IL1RL1: variants seen among roughly 807,000 people sequenced by gnomAD.
IL1RL1 encodes the protein interleukin-1 receptor-like 1.
Under a neutral mutation model 50.9 loss-of-function variants are expected in IL1RL1, and 32 were observed. The ratio of observed to expected loss-of-function variants is 0.63; its 90% CI spans 0.47 to 0.84. IL1RL1 has a LOEUF of 0.84. Among genes scored for constraint, IL1RL1 ranks in the 40% least tolerant of loss-of-function variants. The pLI is 0.00. For missense variants in IL1RL1, 773 were observed against 662.9 expected (o/e 1.17, Z -1.82); for synonymous variants, 275 against 236.0 (o/e 1.17, Z -1.51).
At chr2:102,320,693 T>C (rs1298450366) in intron 1 of IL1RL1, among the ~76,000 whole-genome samples, 5 of 152,126 alleles carry the variant, frequency 3.3e-5, no homozygotes, top group Non-Finnish European at 7.4e-5. Context: ...CAAACCTCTC[T>C]TGACTGCTCT....
chr2:102,336,725 T>C (rs1677340188), intron 1 of IL1RL1, among the ~76,000 whole-genome samples: 1 of 152,092 alleles, frequency 6.6e-6, no homozygotes. Context: ...AGAGGCCTAC[T>C]GGGACTTAAA....
intron 1 of IL1RL1, among the ~76,000 whole-genome samples, chr2:102,323,491 G>T (rs1182333046): frequency 6.6e-6 from 1 of 150,998 alleles, no homozygotes; most frequent in Non-Finnish European, 1.5e-5. Context: ...TTCAAGACTG[G>T]GCAACTGCAT....
chr2:102,330,190 G>T (rs1677133333), intron 1 of IL1RL1, among the ~76,000 whole-genome samples: 1 of 152,166 alleles, frequency 6.6e-6, no homozygotes, highest in African/African-American at 2.4e-5. Context: ...GTCCTTTGTA[G>T]GGACATGGAT....
At chr2:102,335,498 A>G (rs1055648422) in intron 1 of IL1RL1, among the ~76,000 whole-genome samples, 11 of 152,154 alleles carry the variant, frequency 7.2e-5, no homozygotes, top group African/African-American at 2.7e-4. Context: ...TTTATTTGTA[A>G]CTATAAAATT....
At chr2:102,314,958 C>T (rs953589448) in intron 1 of IL1RL1, among the ~76,000 whole-genome samples, 1 of 152,074 alleles carries the variant, frequency 6.6e-6, no homozygotes, top group African/African-American at 2.4e-5. Context: ...GTTATTTGCT[C>T]AGAAGAGCTG....
intron 1 of IL1RL1, among the ~76,000 whole-genome samples, chr2:102,313,865 G>A (rs1167931654): frequency 6.6e-6 from 1 of 152,222 alleles, no homozygotes; most frequent in Admixed American, 6.5e-5. Context: ...GCGCGTGCAT[G>A]TGCAGTAGGG....
intron 1 of IL1RL1, among the ~76,000 whole-genome samples, chr2:102,327,958 C>A (rs1677061093): frequency 6.6e-6 from 1 of 152,122 alleles, no homozygotes; most frequent in Non-Finnish European, 1.5e-5. Context: ...CCTTCTGAAA[C>A]TATTCCAATC....
chr2:102,317,865 G>T (rs1676723605), intron 1 of IL1RL1, among the ~76,000 whole-genome samples: 2 of 152,226 alleles, frequency 1.3e-5, no homozygotes, highest in South Asian at 4.1e-4. Flanking sequence ...AGACCTCATT[G>T]AGAAAGTGAG....
At chr2:102,345,737 G>C in intron 8 of IL1RL1, 2 of 985,348 alleles carry the variant, frequency 2.0e-6, no homozygotes, top group Non-Finnish European at 1.2e-6. Flanking sequence ...ATGGCTATAA[G>C]TGCCGTAGTG....
In IL1RL1 at chr2:102,311,971, AT is replaced by A. The variant is rs1559592139; in HGVS notation, c.-150+350del. ...ATATATAATATATATTATATATAAT[AT>A]TATATATAATATATATTATATATAA... On this transcript the variant is annotated intron_variant, in intron 1 of 10. Transcript: ENST00000233954. 3.7e-3 allele frequency among the ~76,000 whole-genome samples: 63 copies of A among 16,990 alleles called. 1 individual carries two copies. Among genetic ancestry groups the A allele is most frequent in the African/African-American group, 0.012 (36 of 3,118 alleles). The allele number at this position is 16,990 out of a possible 152,430, so 11.1% of individuals were successfully genotyped here.
In IL1RL1 at chr2:102,343,027, C is replaced by T; in HGVS notation, c.683-9C>T. The T allele has an allele frequency of 6.2e-7, 1 of 1,612,816 alleles. No individual in the cohort carries two copies. Among genetic ancestry groups the T allele is most frequent in the East Asian group, 2.2e-5 (1 of 44,860 alleles). ...AATTTTATTGGTGAATGTCCTTACTCCCCTCTAGGAAAAAACGCAAACCTA... is the reference window on the plus strand; with the variant it reads ...AATTTTATTGGTGAATGTCCTTACTTCCCTCTAGGAAAAAACGCAAACCTA... On this transcript the variant is annotated splice_polypyrimidine_tract_variant and intron_variant, in intron 6 of 10. Coordinates refer to ENST00000233954, the MANE Select transcript of IL1RL1 (RefSeq NM_016232.5).
chr2:102,342,822 G>A (rs913805786), intron 6 of IL1RL1, among the ~76,000 whole-genome samples: 1 of 152,124 alleles, frequency 6.6e-6, no homozygotes, highest in African/African-American at 2.4e-5. Context: ...TATAGTGGGA[G>A]CTGAGCTTCA....
chr2:102,351,422 T>C, intron 10 of IL1RL1, 114 bp from the exon 11 acceptor site: 1 of 927,812 alleles, frequency 1.1e-6, no homozygotes, highest in Non-Finnish European at 1.6e-6. Flanking sequence ...GTAAGTGACT[T>C]GATGTCAGAG....
intron 1 of IL1RL1, among the ~76,000 whole-genome samples, chr2:102,334,058 A>G (rs964498905): frequency 2.0e-5 from 3 of 152,264 alleles, no homozygotes; most frequent in Middle Eastern, 3.4e-3. Flanking sequence ...GTAGAGGTGG[A>G]GAGGTGTCTT....
At chr2:102,324,574 C>T (rs1676935673) in intron 1 of IL1RL1, among the ~76,000 whole-genome samples, 1 of 152,174 alleles carries the variant, frequency 6.6e-6, no homozygotes, top group Admixed American at 6.5e-5. Context: ...CCAGGAAGTG[C>T]AAGGGGTCAG....
chr2:102,343,403 A>G lies in IL1RL1; in HGVS notation c.958A>G (p.Arg320Gly). ...GLRRHTVRLS[R>G]KNPIDHHSIY... ...GAGAAGGCACACCGTAAGACTAAGT[A>G]GGAAAAATCCAAGTAAGGAGTGTTT... The change falls in exon 8 of 11, where the codon AGG becomes GGG. Residue 320 changes from arginine to glycine, a missense_variant. Transcript: ENST00000233954. The G allele has an allele frequency of 6.2e-6, 10 of 1,614,244 alleles. No individual in the cohort carries two copies. The highest frequency in any genetic ancestry group is 8.5e-6 in the Non-Finnish European group (10 of 1,180,036).
chr2:102,337,721 G>C (rs1303799789), intron 1 of IL1RL1, among the ~76,000 whole-genome samples: 1 of 152,092 alleles, frequency 6.6e-6, no homozygotes, highest in Non-Finnish European at 1.5e-5. Flanking sequence ...ATTTTTGTGA[G>C]CATGCTGCTA....
chr2:102,342,132 T>A, intron 5 of IL1RL1, 91 bp from the exon 6 acceptor site: 1 of 840,592 alleles, frequency 1.2e-6, no homozygotes, highest in Non-Finnish European at 1.9e-6. Context: ...AAAACATTGC[T>A]ATGAAATAGA....
At chr2:102,335,930 T>G (rs1045776221) in intron 1 of IL1RL1, among the ~76,000 whole-genome samples, 2 of 152,148 alleles carry the variant, frequency 1.3e-5, no homozygotes, top group Admixed American at 1.3e-4. Context: ...AGAATAATAA[T>G]GTGCAGACCT....
Sources: allele counts gnomAD v4.1 joint callset (sites outside exome capture counted in the v4.1 genomes callset), GRCh38; gene constraint gnomAD v4.1.1; transcripts MANE v1.5; gene names NCBI Gene and HGNC (gene_info 2026-07-23, HGNC 2026-07-21).